The following RTL4 variants were observed in gnomAD, a reference collection of about 807,000 sequenced individuals.
RTL4 encodes the protein retrotransposon Gag like 4, also known as retrotransposon Gag-like protein 4.
In RTL4, 4 loss-of-function variants were observed where a neutral mutation model predicts 5.3. The observed-to-expected ratio is 0.75, with a 90% CI of 0.37 to 1.72. The LOEUF (loss-of-function observed/expected upper bound fraction) is 1.72. Ranked by LOEUF, RTL4 falls within the 40% of genes most tolerant of loss-of-function variation. The pLI, the probability that RTL4 is intolerant of heterozygous loss-of-function variation, is 0.04. For missense variants in RTL4, 260 were observed against 227.1 expected, an observed-to-expected ratio of 1.14 and a Z score of -0.93; for synonymous variants, 98 against 87.3, an observed-to-expected ratio of 1.12 and a Z score of -0.68.
the RTL4 span, among the ~76,000 whole-genome samples, chrX:112,310,209 G>A: frequency 1.0e-5 from 1 of 97,501 alleles, no homozygotes; most frequent in Non-Finnish European, 2.0e-5. Flanking sequence ...TTTAGATGAG[G>A]TCATGAAAGT....
the RTL4 span, among the ~76,000 whole-genome samples, chrX:112,347,946 G>T: frequency 9.0e-6 from 1 of 111,316 alleles, no homozygotes; most frequent in African/African-American, 3.3e-5. Context: ...GAGTAATTGT[G>T]ACAGTACATC....
the RTL4 span, among the ~76,000 whole-genome samples, chrX:112,098,540 C>G: frequency 9.0e-6 from 1 of 111,679 alleles, no homozygotes; most frequent in Non-Finnish European, 1.9e-5. Flanking sequence ...ACCACACCGA[C>G]TTCCACAATG....
the RTL4 span, among the ~76,000 whole-genome samples, chrX:112,108,390 A>G: frequency 9.0e-6 from 1 of 111,099 alleles, no homozygotes; most frequent in Non-Finnish European, 1.9e-5. Context: ...TTTGATTGGG[A>G]TCTGCAAATT....
At chrX:112,289,668 A>C in the RTL4 span, among the ~76,000 whole-genome samples, 1 of 111,710 alleles carries the variant, frequency 9.0e-6, no homozygotes, top group Admixed American at 9.5e-5. Context: ...TCACAAGCCT[A>C]GCACATAGTA....
chrX:112,145,805 A>G, the RTL4 span, among the ~76,000 whole-genome samples: 49 of 111,603 alleles, frequency 4.4e-4, no homozygotes, highest in Non-Finnish European at 8.1e-4. Context: ...CTGAGACCTG[A>G]ATGATGAGAA....
chrX:112,157,314 T>C, the RTL4 span, among the ~76,000 whole-genome samples: 1 of 111,450 alleles, frequency 9.0e-6, no homozygotes, highest in Non-Finnish European at 1.9e-5. Context: ...TTTTCTCATG[T>C]ATAAATCTAA....
the RTL4 span, among the ~76,000 whole-genome samples, chrX:112,109,928 T>A: frequency 8.9e-6 from 1 of 111,775 alleles, no homozygotes; most frequent in East Asian, 2.8e-4. Context: ...TGGTAGAAGT[T>A]GTTAGTTGAG....
chrX:112,440,777 T>A, the RTL4 span, among the ~76,000 whole-genome samples: 1 of 112,158 alleles, frequency 8.9e-6, no homozygotes, highest in South Asian at 3.7e-4. Flanking sequence ...AGCTGCTATA[T>A]CTAATATGAG....
the RTL4 span, among the ~76,000 whole-genome samples, chrX:112,137,625 C>G: frequency 8.9e-6 from 1 of 111,794 alleles, no homozygotes; most frequent in Non-Finnish European, 1.9e-5. Context: ...AGGTCCCTCC[C>G]TCGACATGTG....
the RTL4 span, among the ~76,000 whole-genome samples, chrX:112,412,642 G>A: frequency 9.0e-6 from 1 of 111,382 alleles, no homozygotes; most frequent in East Asian, 2.8e-4. Flanking sequence ...TGGGAAAACT[G>A]GATATCCATA....
At chrX:112,226,984 T>C in the RTL4 span, among the ~76,000 whole-genome samples, 18 of 36,663 alleles carry the variant, frequency 4.9e-4, no homozygotes, top group Admixed American at 1.4e-3. Flanking sequence ...TAAAATAAAA[T>C]AAAACAAAAT....
the RTL4 span, among the ~76,000 whole-genome samples, chrX:112,236,500 G>GATCTAGATCTATATCTAT: frequency 6.8e-5 from 5 of 73,501 alleles, no homozygotes; most frequent in African/African-American, 2.1e-4. Flanking sequence ...TCTATATATA[G>GATCTAGATCTATATCTAT]ATATAGATAT....
the RTL4 span, among the ~76,000 whole-genome samples, chrX:112,305,852 T>C: frequency 3.6e-5 from 4 of 111,727 alleles, no homozygotes; most frequent in Non-Finnish European, 7.5e-5. Flanking sequence ...GCACTAGAAT[T>C]AGGTGGTTTG....
At chrX:112,110,732 C>G in the RTL4 span, among the ~76,000 whole-genome samples, 29 of 111,986 alleles carry the variant, frequency 2.6e-4, no homozygotes, top group African/African-American at 8.8e-4. Flanking sequence ...ACAGCTCTCA[C>G]GTTTGAGCAG....
chrX:112,134,602 T>G, the RTL4 span, among the ~76,000 whole-genome samples: 2 of 111,850 alleles, frequency 1.8e-5, no homozygotes, highest in African/African-American at 6.5e-5. Context: ...TAATCTAAAC[T>G]GTACAATTAG....
the RTL4 span, among the ~76,000 whole-genome samples, chrX:112,092,617 A>G: frequency 9.9e-5 from 11 of 111,351 alleles, no homozygotes; most frequent in South Asian, 1.5e-3. Flanking sequence ...TTGTGTCCCT[A>G]CCCAGATCTC....
At chrX:112,267,600 T>G in the RTL4 span, among the ~76,000 whole-genome samples, 2 of 111,833 alleles carry the variant, frequency 1.8e-5, no homozygotes, top group East Asian at 2.8e-4. Context: ...ATAATGATGA[T>G]TCCAAGTTTA....
the RTL4 span, among the ~76,000 whole-genome samples, chrX:112,301,586 A>T: frequency 5.4e-5 from 6 of 110,750 alleles, no homozygotes; most frequent in African/African-American, 2.0e-4. Flanking sequence ...ATGAGGTGTC[A>T]GGAAACTGTA....
chrX:112,237,219 T>C, the RTL4 span, among the ~76,000 whole-genome samples: 1 of 112,216 alleles, frequency 8.9e-6, no homozygotes, highest in South Asian at 3.7e-4. Context: ...CATTTTATTT[T>C]AGGGGCAACA....
Sources: gnomAD v4.1 joint callset for allele counts (sites outside exome capture counted in the v4.1 genomes callset) on GRCh38, gnomAD v4.1.1 for gene constraint, MANE v1.5 for transcripts, NCBI Gene and HGNC (gene_info 2026-07-23, HGNC 2026-07-21) for gene names.